The following ATP11B variants were observed in gnomAD, a reference collection of about 807,000 sequenced individuals.
ATP11B encodes the protein phospholipid-transporting ATPase IF.
ATP11B carries 81 observed loss-of-function variants against 157.8 expected under a neutral mutation model. That is an observed-to-expected ratio of 0.51 (90% confidence interval 0.43 to 0.62). The LOEUF is 0.62. Ranked by LOEUF, ATP11B falls within the 20% of genes least tolerant of loss-of-function variation. ATP11B has a pLI of 0.00. For missense variants in ATP11B, 1,165 were observed against 1,402.2 expected (o/e 0.83, Z 2.70); for synonymous variants, 451 against 469.4 (o/e 0.96, Z 0.51).
chr3:182,814,408 A>G (rs181591677), intron 1 of ATP11B, among the ~76,000 whole-genome samples: 3 of 152,274 alleles, frequency 2.0e-5, no homozygotes, highest in African/African-American at 7.2e-5. Context: ...GAAACTAGAG[A>G]ATTTGAAACT....
At chr3:182,864,583 A>G (rs1164743605) in intron 12 of ATP11B, among the ~76,000 whole-genome samples, 2 of 152,114 alleles carry the variant, frequency 1.3e-5, no homozygotes, top group Non-Finnish European at 2.9e-5. Flanking sequence ...TTAAGTGTTG[A>G]GTCAATCTTG....
chr3:182,882,895 G>T (rs1722525672), intron 21 of ATP11B, among the ~76,000 whole-genome samples: 1 of 152,046 alleles, frequency 6.6e-6, no homozygotes, highest in African/African-American at 2.4e-5. Context: ...TGTTATGAAA[G>T]GAGAAATCTA....
intron 2 of ATP11B, among the ~76,000 whole-genome samples, chr3:182,820,730 ATG>A (rs900538750): frequency 3.3e-5 from 5 of 152,054 alleles, no homozygotes; most frequent in African/African-American, 9.7e-5. Context: ...AAGTGATTAT[ATG>A]TGTGTGTGTG....
chr3:182,864,492 G>A (rs772590053), intron 12 of ATP11B, among the ~76,000 whole-genome samples: 10 of 151,956 alleles, frequency 6.6e-5, no homozygotes, highest in Non-Finnish European at 1.3e-4. Context: ...TGCTTTTTCT[G>A]TACCTATTTT....
chr3:182,913,721 C>A, intron 28 of ATP11B, 140 bp from the exon 29 acceptor site: 1 of 1,397,830 alleles, frequency 7.2e-7, no homozygotes, highest in Non-Finnish European at 9.8e-7. Context: ...TAAAGCCTTT[C>A]ATATGTTTCC....
intron 7 of ATP11B, among the ~76,000 whole-genome samples, chr3:182,840,084 A>G (rs563817119): frequency 6.6e-6 from 1 of 152,286 alleles, no homozygotes; most frequent in South Asian, 2.1e-4. Context: ...CCATTCCCCA[A>G]CCTTTCCATA....
rs1273686805 is a variant in ATP11B at position 182,873,809 on chromosome 3, C to G, written c.2049-3C>G. 2 of 1,612,760 alleles carry G rather than the reference C, an allele frequency of 1.2e-6. No individual in the cohort carries two copies. The highest frequency in any genetic ancestry group is 1.7e-6 in the Non-Finnish European group (2 of 1,179,086). On this transcript the variant is annotated splice_polypyrimidine_tract_variant and splice_region_variant and intron_variant, in intron 18 of 29. Transcript: ENST00000323116. ...ACTACTAATTTGTTTCTGTTCTTTT[C>G]AGACTACAAGATAAAGTTCGAGAAA... is the stretch of plus-strand genomic sequence containing the variant.
chr3:182,852,357 A>G (rs928104420), intron 10 of ATP11B, among the ~76,000 whole-genome samples: 1 of 152,256 alleles, frequency 6.6e-6, no homozygotes, highest in Non-Finnish European at 1.5e-5. Flanking sequence ...TATAAGAGAA[A>G]AAAACTAAAA....
chr3:182,869,055 CT>C, intron 15 of ATP11B, 22 bp from the exon 16 acceptor site: 1 of 1,529,742 alleles, frequency 6.5e-7, no homozygotes, highest in African/African-American at 1.4e-5. Context: ...AAGTTTTTGT[CT>C]TTCTTACTTT....
Position 182,841,964 on chromosome 3 carries a change from G to A in ATP11B, c.657-111G>A, listed in dbSNP as rs180697393. Reference sequence around the variant, plus strand: ...ACTGCACTCCAGCCTAGGCGACAGAGCAAGACTCGTCTCAAAAAAAAAAAA... The same window carrying A: ...ACTGCACTCCAGCCTAGGCGACAGAACAAGACTCGTCTCAAAAAAAAAAAA... On this transcript the variant is annotated intron_variant, in intron 7 of 29. Coordinates refer to ENST00000323116, the MANE Select transcript of ATP11B (RefSeq NM_014616.3). 45 of 612,958 alleles carry A rather than the reference G, an allele frequency of 7.3e-5. No homozygotes were observed. In the South Asian group the frequency reaches 8.3e-4, roughly 11 times the overall value. The allele number at this position is 612,958 out of a possible 1,614,324, so 38.0% of individuals were successfully genotyped here. A position where few individuals can be genotyped will look rare whatever the true frequency, so the allele number is the denominator to read the frequency against.
At chr3:182,917,240 T>G (rs899418301) in intron 29 of ATP11B, 1 of 985,276 alleles carries the variant, frequency 1.0e-6, no homozygotes, top group African/African-American at 1.7e-5. Context: ...TAAATGTGTT[T>G]AGTCTCATAA....
intron 28 of ATP11B, among the ~76,000 whole-genome samples, chr3:182,898,974 GTTA>G (rs1254241422): frequency 1.3e-5 from 2 of 151,720 alleles, no homozygotes; most frequent in East Asian, 1.9e-4. Context: ...CTACTGATAA[GTTA>G]TTTTTTTAAT....
chr3:182,869,059 C>G lies in ATP11B; in HGVS notation c.1689-19C>G, dbSNP rs758659840. ...TAAAAAAAGTAAAGTTTTTGTCTTT[C>G]TTACTTTCTTTTGTTTAGGTACAAA... is the stretch of plus-strand genomic sequence containing the variant. On this transcript the variant is annotated intron_variant, in intron 15 of 29. Transcript: ENST00000323116. 28 of 1,548,154 alleles carry G rather than the reference C, an allele frequency of 1.8e-5. No individual in the cohort carries two copies. Among genetic ancestry groups the G allele is most frequent in the Non-Finnish European group, 2.2e-5 (25 of 1,139,474 alleles).
chr3:182,839,511 A>C (rs1718827415), intron 7 of ATP11B, among the ~76,000 whole-genome samples: 1 of 151,962 alleles, frequency 6.6e-6, no homozygotes, highest in African/African-American at 2.4e-5. Flanking sequence ...AGAAAGAAAA[A>C]CCTGGAGGAA....
At chr3:182,808,590 AATG>A (rs141413667) in intron 1 of ATP11B, among the ~76,000 whole-genome samples, 14 of 152,278 alleles carry the variant, frequency 9.2e-5, no homozygotes, top group African/African-American at 2.4e-4. Context: ...TGGGTTCCAT[AATG>A]ATGATGTTTC....
chr3:182,877,822 G>A, intron 19 of ATP11B, among the ~76,000 whole-genome samples: 1 of 152,206 alleles, frequency 6.6e-6, no homozygotes, highest in Non-Finnish European at 1.5e-5. Context: ...ACGTGCCAGA[G>A]ATGTAGGTGC....
chr3:182,916,068 C>G (rs747162948), intron 29 of ATP11B: 40 of 985,148 alleles, frequency 4.1e-5, no homozygotes, highest in Non-Finnish European at 4.6e-5. Context: ...TATAATAACA[C>G]CAAGCTACCT....
chr3:182,821,511 CTT>C (rs765826094), intron 2 of ATP11B, among the ~76,000 whole-genome samples: 1 of 152,148 alleles, frequency 6.6e-6, no homozygotes, highest in African/African-American at 2.4e-5. Flanking sequence ...CAGCTTCACT[CTT>C]ATATATTCTT....
intron 2 of ATP11B, among the ~76,000 whole-genome samples, chr3:182,824,034 T>C (rs1355690662): frequency 6.6e-6 from 1 of 151,596 alleles, no homozygotes; most frequent in Non-Finnish European, 1.5e-5. Flanking sequence ...CTGATCTGCT[T>C]TCTGTAACTA....
Sources: gnomAD v4.1 joint callset for allele counts (sites outside exome capture counted in the v4.1 genomes callset) on GRCh38, gnomAD v4.1.1 for gene constraint, MANE v1.5 for transcripts, NCBI Gene and HGNC (gene_info 2026-07-23, HGNC 2026-07-21) for gene names.